Variants in ARHGAP15 observed in about 807,000 individuals in gnomAD.
The protein encoded by ARHGAP15 is Rho GTPase activating protein 15.
Under a neutral mutation model 63.7 loss-of-function variants are expected in ARHGAP15, and 51 were observed. The ratio of observed to expected loss-of-function variants is 0.80; its 90% CI spans 0.64 to 1.01. The LOEUF is 1.01. Ranked by LOEUF, ARHGAP15 falls within the 50% of genes least tolerant of loss-of-function variation. The pLI is 0.00. For missense variants in ARHGAP15, 560 were observed against 564.6 expected, an observed-to-expected ratio of 0.99 and a Z score of 0.08; for synonymous variants, 191 against 193.8, an observed-to-expected ratio of 0.99 and a Z score of 0.12.
intron 2 of ARHGAP15, among the ~76,000 whole-genome samples, chr2:143,179,748 C>T (rs1221166654): frequency 2.6e-5 from 4 of 152,048 alleles, no homozygotes; most frequent in South Asian, 2.1e-4. Context: ...CAAAATTAAT[C>T]GGGCGTGCTT....
intron 12 of ARHGAP15, among the ~76,000 whole-genome samples, chr2:143,650,723 G>A (rs985761805): frequency 6.6e-5 from 10 of 152,008 alleles, no homozygotes; most frequent in East Asian, 3.9e-4. Flanking sequence ...TCTGTGGTAC[G>A]TACTGAAGAT....
intron 9 of ARHGAP15, among the ~76,000 whole-genome samples, chr2:143,499,333 T>C (rs984672847): frequency 1.3e-5 from 2 of 152,168 alleles, no homozygotes; most frequent in Non-Finnish European, 2.9e-5. Flanking sequence ...GATATTAAAA[T>C]TGACTGCTCA....
At chr2:143,601,325 A>G (rs1697760238) in intron 11 of ARHGAP15, among the ~76,000 whole-genome samples, 1 of 152,168 alleles carries the variant, frequency 6.6e-6, no homozygotes, top group African/African-American at 2.4e-5. Flanking sequence ...CTTTCTTGCC[A>G]AGGAGTGTAG....
intron 11 of ARHGAP15, among the ~76,000 whole-genome samples, chr2:143,593,685 C>T (rs1322133117): frequency 1.3e-5 from 2 of 152,160 alleles, no homozygotes; most frequent in Non-Finnish European, 2.9e-5. Flanking sequence ...CTGTAGAATT[C>T]CCAGCCATAG....
chr2:143,168,493 A>C (rs1252120097), intron 2 of ARHGAP15, among the ~76,000 whole-genome samples: 1 of 152,046 alleles, frequency 6.6e-6, no homozygotes, highest in Non-Finnish European at 1.5e-5. Context: ...TTTCAATTTT[A>C]GTCTCTTAAA....
intron 6 of ARHGAP15, among the ~76,000 whole-genome samples, chr2:143,365,211 C>T (rs891484374): frequency 6.6e-6 from 1 of 152,140 alleles, no homozygotes; most frequent in Non-Finnish European, 1.5e-5. Flanking sequence ...ATCTCCTATA[C>T]TTTGTCTTAT....
At chr2:143,756,665 A>G (rs764460618) in intron 13 of ARHGAP15, among the ~76,000 whole-genome samples, 24 of 152,232 alleles carry the variant, frequency 1.6e-4, no homozygotes, top group Non-Finnish European at 3.2e-4. Flanking sequence ...AATAACTGAA[A>G]TAATCATTGT....
At chr2:143,534,316 C>T (rs769225594) in intron 10 of ARHGAP15, among the ~76,000 whole-genome samples, 2 of 152,194 alleles carry the variant, frequency 1.3e-5, no homozygotes, top group Non-Finnish European at 2.9e-5. Context: ...CCATGCTGAA[C>T]TGTGAGTCAA....
intron 6 of ARHGAP15, among the ~76,000 whole-genome samples, chr2:143,371,445 T>C (rs546718765): frequency 5.9e-5 from 9 of 152,320 alleles, no homozygotes; most frequent in African/African-American, 1.4e-4. Context: ...TCTATCTCCC[T>C]ACCTACCTAT....
intron 8 of ARHGAP15, among the ~76,000 whole-genome samples, chr2:143,439,819 C>T (rs571760663): frequency 8.4e-4 from 128 of 152,058 alleles, no homozygotes; most frequent in Non-Finnish European, 1.3e-3. Flanking sequence ...TAGTTTATAT[C>T]GAACTTAGAC....
intron 11 of ARHGAP15, among the ~76,000 whole-genome samples, chr2:143,557,384 G>T (rs1695849911): frequency 6.6e-6 from 1 of 152,086 alleles, no homozygotes; most frequent in Non-Finnish European, 1.5e-5. Context: ...AAACAAGCCA[G>T]TGTGAAAAGG....
rs746062394 is a variant in ARHGAP15, at chr2:143,522,200, TTC to T, written c.925+2840_925+2841del. On this transcript the variant is annotated intron_variant, in intron 10 of 13. Coordinates refer to ENST00000295095, the MANE Select transcript of ARHGAP15 (RefSeq NM_018460.4). The stretch of plus-strand genomic sequence containing the variant: ...AGTATGTTTCCTTATCTTGATTTGG[TTC>T]TCTTTATTACTCTAAACTACCAGAG... 4 of 152,284 alleles carry T rather than the reference TTC, an allele frequency of 2.6e-5. No homozygotes were observed. In the East Asian group the frequency reaches 7.7e-4, roughly 29 times the overall value. 9.4% of individuals were successfully genotyped at this position (152,284 alleles called of 1,614,324 possible).
intron 8 of ARHGAP15, among the ~76,000 whole-genome samples, chr2:143,474,393 T>G (rs1691718483): frequency 6.6e-6 from 1 of 152,162 alleles, no homozygotes; most frequent in South Asian, 2.1e-4. Context: ...TATTCAAAAC[T>G]GCCCAATTCT....
intron 9 of ARHGAP15, among the ~76,000 whole-genome samples, chr2:143,501,399 T>A (rs1329874053): frequency 1.3e-5 from 2 of 152,216 alleles, no homozygotes; most frequent in Non-Finnish European, 2.9e-5. Context: ...ACATAAAGAA[T>A]TTGACAGGAC....
At chr2:143,361,780 C>A (rs954714201) in intron 6 of ARHGAP15, among the ~76,000 whole-genome samples, 12 of 152,148 alleles carry the variant, frequency 7.9e-5, no homozygotes, top group African/African-American at 2.2e-4. Flanking sequence ...TCACATCAGA[C>A]TTCTTGACCC....
chr2:143,189,782 G>A (rs565721900), intron 2 of ARHGAP15, among the ~76,000 whole-genome samples: 114 of 151,934 alleles, frequency 7.5e-4, no homozygotes, highest in African/African-American at 2.5e-3. Flanking sequence ...CTTTCTACTC[G>A]TGTGTTCGCT....
At chr2:143,387,877 G>A (rs1054789666) in intron 6 of ARHGAP15, among the ~76,000 whole-genome samples, 6 of 149,710 alleles carry the variant, frequency 4.0e-5, no homozygotes, top group Admixed American at 6.6e-5. Flanking sequence ...ACACATACAC[G>A]CATGCGTGCA....
intron 8 of ARHGAP15, among the ~76,000 whole-genome samples, chr2:143,470,945 TAC>T (rs1032869591): frequency 7.0e-6 from 1 of 142,014 alleles, no homozygotes; most frequent in South Asian, 2.3e-4. Context: ...TGTGTGTATA[TAC>T]ACACATGTGT....
intron 6 of ARHGAP15, among the ~76,000 whole-genome samples, chr2:143,397,911 G>A (rs1346760909): frequency 1.3e-5 from 2 of 152,090 alleles, no homozygotes; most frequent in South Asian, 2.1e-4. Flanking sequence ...CTCAAAGAAA[G>A]CAAGAAATTA....
Sources: allele counts gnomAD v4.1 joint callset (sites outside exome capture counted in the v4.1 genomes callset), GRCh38; gene constraint gnomAD v4.1.1; transcripts MANE v1.5; gene names NCBI Gene and HGNC (gene_info 2026-07-23, HGNC 2026-07-21).